FMO5: variants seen among roughly 807,000 people sequenced by gnomAD.
The protein encoded by FMO5 is flavin containing dimethylaniline monoxygenase 5.
In FMO5, 51 loss-of-function variants were observed where a neutral mutation model predicts 43.6. The observed-to-expected ratio is 1.17, with a 90% confidence interval of 0.93 to 1.48. The LOEUF is 1.48. FMO5 is among the 40% of genes most tolerant of loss of function. FMO5 has a pLI of 0.00. For missense variants in FMO5, 644 were observed against 643.0 expected, an observed-to-expected ratio of 1.00 and a Z score of -0.02; for synonymous variants, 187 against 216.5, an observed-to-expected ratio of 0.86 and a Z score of 1.20.
chr1:147,191,148 G>A (rs1156458717), intron 7 of FMO5, among the ~76,000 whole-genome samples: 2 of 152,120 alleles, frequency 1.3e-5, no homozygotes, highest in Admixed American at 1.3e-4. Flanking sequence ...AAACATACGT[G>A]TGCATGTGTC....
At chr1:147,194,241 G>A (rs782068461) in intron 7 of FMO5, among the ~76,000 whole-genome samples, 3 of 152,138 alleles carry the variant, frequency 2.0e-5, no homozygotes, top group Admixed American at 6.5e-5. Context: ...TTGTTGAATT[G>A]ATCCCTTTAC....
intron 2 of FMO5, among the ~76,000 whole-genome samples, chr1:147,219,237 T>C (rs1553925736): frequency 1.3e-5 from 2 of 152,178 alleles, no homozygotes; most frequent in Non-Finnish European, 2.9e-5. Flanking sequence ...TCACCAAATA[T>C]GTAATATTAT....
chr1:147,213,494 AG>A (rs1553924290), intron 3 of FMO5, 24 bp from the exon 4 acceptor site: 11 of 1,573,056 alleles, frequency 7.0e-6, no homozygotes, highest in Non-Finnish European at 9.5e-6. Context: ...TGATAACCAC[AG>A]GGGACATCCC....
chr1:147,189,221 C>T (rs1039837558), intron 8 of FMO5, among the ~76,000 whole-genome samples: 6 of 150,964 alleles, frequency 4.0e-5, no homozygotes, highest in African/African-American at 9.8e-5. Flanking sequence ...TTGCAGTGAG[C>T]GAAGATCGTG....
At chr1:147,190,730 T>C (rs1015614158) in intron 7 of FMO5, among the ~76,000 whole-genome samples, 1 of 152,084 alleles carries the variant, frequency 6.6e-6, no homozygotes, top group Non-Finnish European at 1.5e-5. Context: ...ATGTGCACAA[T>C]GTGCAGGTTT....
At chr1:147,192,462 G>T (rs1375868998) in intron 7 of FMO5, among the ~76,000 whole-genome samples, 2 of 152,078 alleles carry the variant, frequency 1.3e-5, no homozygotes, top group Non-Finnish European at 2.9e-5. Flanking sequence ...TGCAAACAGG[G>T]ACAATTTGAC....
intron 7 of FMO5, among the ~76,000 whole-genome samples, chr1:147,191,952 C>T (rs868971690): frequency 1.6e-4 from 25 of 151,850 alleles, no homozygotes; most frequent in Non-Finnish European, 1.6e-4. Context: ...CGTGATGCCT[C>T]CAGCTTTGTT....
chr1:147,189,289 G>A (rs1420842161), intron 8 of FMO5, among the ~76,000 whole-genome samples: 6 of 150,232 alleles, frequency 4.0e-5, no homozygotes, highest in African/African-American at 1.5e-4. Flanking sequence ...AAAAAAGGCA[G>A]TTTAAGGAGT....
chr1:147,187,781 AT>A (rs1174432955), intron 8 of FMO5, among the ~76,000 whole-genome samples: 1 of 152,180 alleles, frequency 6.6e-6, no homozygotes, highest in Non-Finnish European at 1.5e-5. Flanking sequence ...ATGGAGACAA[AT>A]GAAATTATTA....
rs182599174 is a variant in FMO5 at position 147,207,514 on chromosome 1, A to G, written c.830+1338T>C. On this transcript the variant is annotated intron_variant, in intron 6 of 8. Transcript: ENST00000254090. ...ACACTGTATGTATTTCTTCATTATA[A>G]TCTGTCCTCTTTCTTCTCATTAGAG... is the stretch of plus-strand genomic sequence containing the variant. 2.0e-3 allele frequency among the ~76,000 whole-genome samples: 311 copies of G among 152,266 alleles called. 1 individual carries two copies. Among genetic ancestry groups the G allele is most frequent in the African/African-American group, 7.3e-3 (302 of 41,544 alleles).
chr1:147,222,593 A>C (rs1413326647), intron 2 of FMO5, among the ~76,000 whole-genome samples: 1 of 152,182 alleles, frequency 6.6e-6, no homozygotes, highest in Non-Finnish European at 1.5e-5. Context: ...AAAAATGGAG[A>C]TAGTAGAATA....
chr1:147,220,658 G>C (rs1553926032), intron 2 of FMO5, among the ~76,000 whole-genome samples: 1 of 152,130 alleles, frequency 6.6e-6, no homozygotes, highest in Non-Finnish European at 1.5e-5. Flanking sequence ...GGTTTTTATA[G>C]TTTTAGATTT....
intron 2 of FMO5, among the ~76,000 whole-genome samples, chr1:147,216,258 A>G (rs1219584416): frequency 3.3e-5 from 5 of 152,206 alleles, no homozygotes; most frequent in Non-Finnish European, 5.9e-5. Context: ...AAATCCAACT[A>G]CCATGAGACC....
chr1:147,204,463 A>G (rs1659606047), intron 6 of FMO5: 1 of 1,394,158 alleles, frequency 7.2e-7, no homozygotes. Context: ...GACTTCATCA[A>G]CATCTCGAAG....
intron 2 of FMO5, 83 bp downstream of exon 2, chr1:147,224,812 C>T (rs1462836551): frequency 1.4e-6 from 2 of 1,425,898 alleles, no homozygotes; most frequent in Non-Finnish European, 2.0e-6. Context: ...CGCCCGGCCA[C>T]CTGACACTGT....
intron 2 of FMO5, among the ~76,000 whole-genome samples, chr1:147,218,298 C>T (rs587724052): frequency 3.8e-4 from 58 of 151,960 alleles, no homozygotes; most frequent in Admixed American, 3.6e-3. Context: ...TGCAGTAGCA[C>T]GATCTCAGCT....
chr1:147,215,667 T>C, intron 3 of FMO5, 87 bp downstream of exon 3: 2 of 969,416 alleles, frequency 2.1e-6, no homozygotes, highest in Non-Finnish European at 3.1e-6. Flanking sequence ...AGCCAATCTT[T>C]AGAAGTAAAC....
chr1:147,208,568 T>C (rs1660522460), intron 6 of FMO5: 2 of 274,074 alleles, frequency 7.3e-6, no homozygotes, highest in Non-Finnish European at 7.2e-6. Context: ...GCCTCCTGAA[T>C]AGCTGGGACT....
At chr1:147,206,212 A>G (rs1175032702) in intron 6 of FMO5, among the ~76,000 whole-genome samples, 2 of 150,736 alleles carry the variant, frequency 1.3e-5, no homozygotes, top group African/African-American at 2.5e-5. Flanking sequence ...CAAAACCACA[A>G]TGAGTTACCA....
Sources: allele counts gnomAD v4.1 joint callset (sites outside exome capture counted in the v4.1 genomes callset), GRCh38; gene constraint gnomAD v4.1.1; transcripts MANE v1.5; gene names NCBI Gene and HGNC (gene_info 2026-07-23, HGNC 2026-07-21).